The following RAB11FIP4 variants were observed in gnomAD, a reference collection of about 807,000 sequenced individuals.
RAB11FIP4 encodes rab11 family-interacting protein 4.
In RAB11FIP4, 23 loss-of-function variants were observed where a neutral mutation model predicts 74.3. The ratio of observed to expected loss-of-function variants is 0.31; its 90% confidence interval spans 0.22 to 0.44. The LOEUF is 0.44. Among genes scored for constraint, RAB11FIP4 ranks in the 20% least tolerant of loss-of-function variants. The probability of loss-of-function intolerance (pLI) is 1.00; values close to 1 mark genes in which losing one functional copy is unlikely to be tolerated. For synonymous variants in RAB11FIP4, 360 were observed against 359.9 expected, an observed-to-expected ratio of 1.00 and a Z score of 0.00; for missense variants, 630 against 863.9, an observed-to-expected ratio of 0.73 and a Z score of 3.39.
At chr17:31,455,425 A>G (rs1301634236) in intron 3 of RAB11FIP4, among the ~76,000 whole-genome samples, 1 of 152,182 alleles carries the variant, frequency 6.6e-6, no homozygotes, top group African/African-American at 2.4e-5. Flanking sequence ...ACTTTCAGGC[A>G]CCTAAGGGGA....
rs569253183 is a variant in RAB11FIP4 at position 31,421,083 on chromosome 17, T to TCAAA, written c.160-10713_160-10710dup. 6.4e-3 allele frequency among the ~76,000 whole-genome samples: 973 copies of TCAAA among 152,232 alleles called. 13 individuals are homozygous for TCAAA. Among genetic ancestry groups the TCAAA allele is most frequent in the Middle Eastern group, 0.031 (9 of 294 alleles). Reference sequence around the variant, plus strand: ...TAGGCAACAAGAGCAAAACTCCATCTCAAACAAACAAACAAACAAAAAGAT... The same window carrying TCAAA: ...TAGGCAACAAGAGCAAAACTCCATCTCAAACAAACAAACAAACAAACAAAAAGAT... On this transcript the variant is annotated intron_variant, in intron 1 of 14. Transcript: ENST00000621161.
chr17:31,427,110 T>G (rs2071260052), intron 1 of RAB11FIP4, among the ~76,000 whole-genome samples: 1 of 152,134 alleles, frequency 6.6e-6, no homozygotes. Context: ...CAGGTACACA[T>G]GACCACGCCT....
chr17:31,507,393 A>G (rs540799392), intron 3 of RAB11FIP4, among the ~76,000 whole-genome samples: 6 of 152,312 alleles, frequency 3.9e-5, no homozygotes, highest in African/African-American at 1.2e-4. Flanking sequence ...CATTCTTATT[A>G]GGGTGAGGTG....
At position 31,522,352 on chromosome 17, in the gene RAB11FIP4, C is replaced by G. The variant is rs753743027; in HGVS notation, c.894-8C>G. ...TCTGTTCAATGACTGTTTCCTTTCT[C>G]TCTCTAGCCCCAACCGAAAGATCTC... On this transcript the variant is annotated splice_polypyrimidine_tract_variant and splice_region_variant and intron_variant, in intron 6 of 14. Coordinates refer to ENST00000621161, the MANE Select transcript of RAB11FIP4 (RefSeq NM_032932.6). 9 of 1,613,696 alleles carry G rather than the reference C, an allele frequency of 5.6e-6. No homozygotes were observed. The highest frequency in any genetic ancestry group is 7.6e-6 in the Non-Finnish European group (9 of 1,179,830).
chr17:31,488,367 G>T (rs57391434), intron 3 of RAB11FIP4: 445,176 of 1,059,800 alleles, frequency 0.42, 97,458 homozygotes, highest in Non-Finnish European at 0.44. Flanking sequence ...GCGGAGAGCG[G>T]ACTTGGCCTG....
At chr17:31,394,052 C>T (rs1172307766) in intron 1 of RAB11FIP4, among the ~76,000 whole-genome samples, 1 of 152,092 alleles carries the variant, frequency 6.6e-6, no homozygotes, top group Non-Finnish European at 1.5e-5. Flanking sequence ...CTCTGCCAAG[C>T]CAGGGATTCT....
chr17:31,522,095 G>C (rs1597980400), intron 6 of RAB11FIP4, 46 bp downstream of exon 6: 2 of 1,611,596 alleles, frequency 1.2e-6, no homozygotes, highest in African/African-American at 1.3e-5. Flanking sequence ...GGGGGCCAGG[G>C]CAGGGCCTGG....
intron 1 of RAB11FIP4, among the ~76,000 whole-genome samples, chr17:31,410,442 G>T (rs1023096948): frequency 6.6e-6 from 1 of 152,196 alleles, no homozygotes; most frequent in South Asian, 2.1e-4. Flanking sequence ...GGCTGGGTGT[G>T]GTGGCTCACG....
intron 14 of RAB11FIP4, 139 bp downstream of exon 14, chr17:31,530,608 G>T (rs905761461): frequency 1.7e-6 from 2 of 1,159,648 alleles, no homozygotes; most frequent in Non-Finnish European, 2.4e-6. Flanking sequence ...ACATGACAGG[G>T]CAAGGCTGTG....
intron 3 of RAB11FIP4, among the ~76,000 whole-genome samples, chr17:31,480,099 T>G (rs2071831523): frequency 6.6e-6 from 1 of 152,134 alleles, no homozygotes; most frequent in Admixed American, 6.5e-5. Flanking sequence ...CTTTAGCCAA[T>G]ATGTGGCAGA....
At chr17:31,442,040 C>T (rs1597918824) in intron 3 of RAB11FIP4, among the ~76,000 whole-genome samples, 1 of 151,840 alleles carries the variant, frequency 6.6e-6, no homozygotes, top group Non-Finnish European at 1.5e-5. Context: ...ACTCTGTCGC[C>T]CAGGCTGGAG....
At chr17:31,450,199 G>A (rs951182170) in intron 3 of RAB11FIP4, among the ~76,000 whole-genome samples, 2 of 151,902 alleles carry the variant, frequency 1.3e-5, no homozygotes, top group African/African-American at 4.8e-5. Flanking sequence ...ACATTTTACT[G>A]GAACCCTGGG....
At position 31,523,901 on chromosome 17, in the gene RAB11FIP4, C is replaced by T. The variant is rs775438464; in HGVS notation, c.1038C>T (p.Phe346=). 1.2e-6 allele frequency: 2 copies of T among 1,608,926 alleles called. No homozygotes were observed. Among genetic ancestry groups the T allele is most frequent in the Non-Finnish European group, 1.7e-6 (2 of 1,177,206 alleles). The part of the protein sequence containing the change: ...CDNDITEKVS[F]LEKKVTELEN... ...CCGGCCCCCTGCTGCAGGTAAGCTT[C>T]CTGGAAAAGAAGGTGACAGAGCTGG... Residue 346 remains phenylalanine, a synonymous_variant, in exon 9 of 15, where the codon TTC becomes TTT. Transcript: ENST00000621161.
chr17:31,522,739 C>T, intron 7 of RAB11FIP4: 1 of 354,832 alleles, frequency 2.8e-6, no homozygotes, highest in Non-Finnish European at 5.2e-6. Flanking sequence ...AATAAAGAGA[C>T]CCCGGGTTTC....
chr17:31,411,906 C>T (rs970541993), intron 1 of RAB11FIP4, among the ~76,000 whole-genome samples: 2 of 152,270 alleles, frequency 1.3e-5, no homozygotes, highest in Non-Finnish European at 2.9e-5. Context: ...AAGCCTGAGA[C>T]ATAGACAGCC....
chr17:31,392,896 G>A (rs1293133192), intron 1 of RAB11FIP4, among the ~76,000 whole-genome samples: 4 of 152,312 alleles, frequency 2.6e-5, no homozygotes, highest in South Asian at 4.1e-4. Flanking sequence ...TGAGAAGTGG[G>A]TTTCCAAGGC....
Position 31,496,545 on chromosome 17 carries a change from T to TCC in RAB11FIP4, c.337-21102_337-21101dup, listed in dbSNP as rs541450836. 9.6e-4 allele frequency among the ~76,000 whole-genome samples: 146 copies of TCC among 152,340 alleles called. 1 individual carries two copies. The highest frequency in any genetic ancestry group is 3.4e-3 in the African/African-American group (143 of 41,578). On this transcript the variant is annotated intron_variant, in intron 3 of 14. Coordinates refer to ENST00000621161, the MANE Select transcript of RAB11FIP4 (RefSeq NM_032932.6). Reference sequence around the variant, plus strand: ...CATTACTCTTCTTCCCTCGTCCTTCTCCCCCTTTGCCTGAGTTTTCATTTT... The same window carrying TCC: ...CATTACTCTTCTTCCCTCGTCCTTCTCCCCCCCTTTGCCTGAGTTTTCATTTT...
chr17:31,482,285 A>ATTT (rs34828250), intron 3 of RAB11FIP4, among the ~76,000 whole-genome samples: 28 of 151,776 alleles, frequency 1.8e-4, no homozygotes, highest in Admixed American at 1.2e-3. Flanking sequence ...AGTCATTCCC[A>ATTT]TTTTTTTTCT....
At chr17:31,431,716 T>C (rs983845782) in intron 1 of RAB11FIP4, 97 bp from the exon 2 acceptor site, 8 of 824,490 alleles carry the variant, frequency 9.7e-6, no homozygotes, top group African/African-American at 1.7e-5. Flanking sequence ...GCGGGGACAC[T>C]GGTGTCCCTC....
Sources: gnomAD v4.1 joint callset for allele counts (sites outside exome capture counted in the v4.1 genomes callset) on GRCh38, gnomAD v4.1.1 for gene constraint, MANE v1.5 for transcripts, NCBI Gene and HGNC (gene_info 2026-07-23, HGNC 2026-07-21) for gene names.